The following ATP6V0D1 variants were observed in gnomAD, a reference collection of about 807,000 sequenced individuals.
ATP6V0D1 encodes the protein V-type proton ATPase subunit d 1.
ATP6V0D1 carries 13 observed loss-of-function variants against 39.0 expected under a neutral mutation model. The ratio of observed to expected loss-of-function variants is 0.33; its 90% confidence interval spans 0.22 to 0.53. The LOEUF (loss-of-function observed/expected upper bound fraction) is 0.53, where lower values mean the gene tolerates loss of function less well. ATP6V0D1 is among the 20% of genes least tolerant of loss of function. The probability of loss-of-function intolerance (pLI) is 0.94; values close to 1 mark genes in which losing one functional copy is unlikely to be tolerated. For missense variants in ATP6V0D1, 272 were observed against 470.9 expected (o/e 0.58, Z 3.91); for synonymous variants, 191 against 191.2 (o/e 1.00, Z 0.01).
intron 2 of ATP6V0D1, among the ~76,000 whole-genome samples, chr16:67,451,421 C>T (rs1344546385): frequency 2.0e-5 from 3 of 152,166 alleles, no homozygotes; most frequent in Non-Finnish European, 4.4e-5. Context: ...AGTCTGGAAC[C>T]CGTGTCCCAC....
intron 1 of ATP6V0D1, chr16:67,457,536 G>C (rs936756317): frequency 7.8e-7 from 1 of 1,279,442 alleles, no homozygotes; most frequent in African/African-American, 1.5e-5. Context: ...TCCCCTCCTC[G>C]GAGGCAGCCT....
chr16:67,438,543 G>A lies in ATP6V0D1; in HGVS notation c.1041C>T (p.Tyr347=), dbSNP rs762995882. 1 of 1,614,230 alleles carries A rather than the reference G, an allele frequency of 6.2e-7. No homozygotes were observed. The change falls in exon 8 of 8, where the codon TAC becomes TAT. Residue 347 remains tyrosine (Y), a synonymous_variant. Coordinates refer to ENST00000290949, the MANE Select transcript of ATP6V0D1 (RefSeq NM_004691.5). ...GGCCAGGACGCTAGAAGATAGGGAT[G>A]TAGTTGTCGATTTTGGCGCGGTGGC... ...AQRHRAKIDN[Y]IPIF is the part of the protein sequence containing the mutation.
At chr16:67,477,593 T>G (rs1033025709) in intron 1 of ATP6V0D1, among the ~76,000 whole-genome samples, 1 of 152,216 alleles carries the variant, frequency 6.6e-6, no homozygotes, top group Non-Finnish European at 1.5e-5. Flanking sequence ...TTATGATTGT[T>G]GTAGTTAGAT....
chr16:67,449,207 C>G (rs551070753), intron 2 of ATP6V0D1, among the ~76,000 whole-genome samples: 1 of 152,340 alleles, frequency 6.6e-6, no homozygotes, highest in African/African-American at 2.4e-5. Context: ...TGCAGGTTAC[C>G]CATGCCCAGG....
chr16:67,448,659 CAAAA>C (rs34654965), intron 2 of ATP6V0D1, among the ~76,000 whole-genome samples: 2 of 49,470 alleles, frequency 4.0e-5, no homozygotes, highest in Admixed American at 2.3e-4. Flanking sequence ...GACTCCAGCT[CAAAA>C]AAAAAAAAAA....
At chr16:67,449,875 ACACTGTCTCT>A (rs1456387628) in intron 2 of ATP6V0D1, among the ~76,000 whole-genome samples, 1 of 152,242 alleles carries the variant, frequency 6.6e-6, no homozygotes, top group Non-Finnish European at 1.5e-5. Flanking sequence ...AAAGCAGTGG[ACACTGTCTCT>A]CACACAGAAG....
rs559033473 is a variant in ATP6V0D1, at chr16:67,453,126, G to A, written c.302+418C>T. On this transcript the variant is annotated intron_variant, in intron 2 of 7. Transcript: ENST00000290949. This position sits in a 1 kb window ranked among gnomAD's most constrained non-coding sequence, Gnocchi z 4.1. ...TGTCCATCCCGACACCTGACCCCTCGCATGGGGAGTGGGGCCTGGTGAGTG... is the reference window on the plus strand; with the variant it reads ...TGTCCATCCCGACACCTGACCCCTCACATGGGGAGTGGGGCCTGGTGAGTG... Among the ~76,000 whole-genome samples the A allele has an allele frequency of 6.8e-4, 103 of 152,272 alleles. 1 individual carries two copies. In the South Asian group the frequency reaches 0.011, roughly 17 times the overall value.
chr16:67,442,831 A>G (rs1597568391), intron 4 of ATP6V0D1, among the ~76,000 whole-genome samples: 1 of 152,306 alleles, frequency 6.6e-6, no homozygotes, highest in African/African-American at 2.4e-5. Flanking sequence ...GCGGCTGTCC[A>G]GGAGCCAGCT....
At position 67,447,398 on chromosome 16, in the gene ATP6V0D1, G is replaced by A. The variant is rs1482201915; in HGVS notation, c.303-2692C>T. On this transcript the variant is annotated intron_variant, in intron 2 of 7. Transcript: ENST00000290949. The surrounding 1 kb of genome is among the most constrained non-coding windows in gnomAD (Gnocchi z 4.1). ...CCCAGCAGTCTGCCTTTCTCCCAAGGCCGAGGCCTTCGGCAGGCAGGGAAA... is the reference window on the plus strand; with the variant it reads ...CCCAGCAGTCTGCCTTTCTCCCAAGACCGAGGCCTTCGGCAGGCAGGGAAA... 6.6e-6 allele frequency among the ~76,000 whole-genome samples: 1 copy of A among 152,360 alleles called. No individual in the cohort carries two copies. The highest frequency in any genetic ancestry group is 1.9e-4 in the East Asian group (1 of 5,178).
At chr16:67,472,727 G>C (rs148959524) in intron 1 of ATP6V0D1, among the ~76,000 whole-genome samples, 1 of 152,058 alleles carries the variant, frequency 6.6e-6, no homozygotes, top group Non-Finnish European at 1.5e-5. Flanking sequence ...AAAATTTGCC[G>C]GGCGTGGTGG....
chr16:67,470,654 A>G (rs1481860435), intron 1 of ATP6V0D1, among the ~76,000 whole-genome samples: 1 of 152,122 alleles, frequency 6.6e-6, no homozygotes, highest in Admixed American at 6.6e-5. Flanking sequence ...CCAGGTTAAT[A>G]TCTTTAGTGT....
chr16:67,462,476 T>C (rs1220282661), intron 1 of ATP6V0D1, among the ~76,000 whole-genome samples: 1 of 152,258 alleles, frequency 6.6e-6, no homozygotes, highest in Non-Finnish European at 1.5e-5. Context: ...TGGTCTGGCC[T>C]GGCCAGATGC....
At chr16:67,471,324 G>A (rs958266651) in intron 1 of ATP6V0D1, among the ~76,000 whole-genome samples, 3 of 152,108 alleles carry the variant, frequency 2.0e-5, no homozygotes, top group Non-Finnish European at 4.4e-5. Flanking sequence ...AGTAGCTGGG[G>A]ATTACAGGCA....
chr16:67,462,817 G>C (rs2041298898), intron 1 of ATP6V0D1, among the ~76,000 whole-genome samples: 1 of 146,606 alleles, frequency 6.8e-6, no homozygotes, highest in African/African-American at 2.6e-5. Context: ...GACAGAGGGA[G>C]ACTCTGTCTC....
intron 1 of ATP6V0D1, among the ~76,000 whole-genome samples, chr16:67,458,669 A>C (rs1437967050): frequency 6.6e-6 from 1 of 152,164 alleles, no homozygotes; most frequent in African/African-American, 2.4e-5. Context: ...GACTTCCTTG[A>C]AGGCTGATTT....
chr16:67,470,257 G>A (rs2041362249), intron 1 of ATP6V0D1, among the ~76,000 whole-genome samples: 1 of 151,538 alleles, frequency 6.6e-6, no homozygotes, highest in African/African-American at 2.4e-5. Context: ...TTTTGACAAA[G>A]GGGTGACAAT....
intron 2 of ATP6V0D1, chr16:67,452,227 T>C (rs1387533836): frequency 1.4e-5 from 22 of 1,534,688 alleles, no homozygotes; most frequent in Non-Finnish European, 1.8e-5. Context: ...AGTAGGTCCA[T>C]GTTGGCATAC....
chr16:67,444,529 A>G lies in ATP6V0D1; in HGVS notation c.480T>C (p.Leu160=). The G allele has an allele frequency of 6.3e-7, 1 of 1,594,048 alleles. No individual in the cohort carries two copies. Among genetic ancestry groups the G allele is most frequent in the South Asian group, 1.1e-5 (1 of 89,984 alleles). Residue 160 remains leucine (L), a splice_region_variant and synonymous_variant, in exon 3 of 8, where the codon CTT becomes CTC. Transcript: ENST00000290949. This position sits in a 1 kb window ranked among gnomAD's most constrained non-coding sequence, Gnocchi z 4.8. ...LYNAILVDTP[L]AAFFQDCISE... is the part of the protein sequence containing the mutation. ...CCCATGACCACCACAGCGGCTCACC[A>G]AGAGGCGTGTCCACCAGAATGGCAT...
intron 1 of ATP6V0D1, among the ~76,000 whole-genome samples, chr16:67,473,031 G>A (rs2041386659): frequency 6.6e-6 from 1 of 152,130 alleles, no homozygotes; most frequent in Non-Finnish European, 1.5e-5. Flanking sequence ...GACACCCACA[G>A]CCTTCCAGGA....
Sources: allele counts gnomAD v4.1 joint callset (sites outside exome capture counted in the v4.1 genomes callset), GRCh38; gene constraint gnomAD v4.1.1; non-coding constraint Gnocchi (gnomAD v3.1); transcripts MANE v1.5; gene names NCBI Gene and HGNC (gene_info 2026-07-23, HGNC 2026-07-21).